The following KHDRBS2 variants were observed in gnomAD, a reference collection of about 807,000 sequenced individuals.
KHDRBS2 encodes the protein KH domain-containing, RNA-binding, signal transduction-associated protein 2.
In KHDRBS2, 26 loss-of-function variants were observed where a neutral mutation model predicts 44.3. The ratio of observed to expected loss-of-function variants is 0.59; its 90% confidence interval spans 0.43 to 0.81. KHDRBS2 has a LOEUF of 0.81. KHDRBS2 is among the 40% of genes least tolerant of loss of function. The pLI, the probability that KHDRBS2 is intolerant of heterozygous loss-of-function variation, is 0.00. For missense variants in KHDRBS2, 476 were observed against 433.1 expected, an observed-to-expected ratio of 1.10 and a Z score of -0.88; for synonymous variants, 194 against 151.1, an observed-to-expected ratio of 1.28 and a Z score of -2.08.
At chr6:62,177,018 A>T (rs1239995650) in intron 2 of KHDRBS2, among the ~76,000 whole-genome samples, 167 bp downstream of exon 2, 5 of 151,306 alleles carry the variant, frequency 3.3e-5, no homozygotes, top group Admixed American at 2.6e-4. Context: ...TACCCTCACC[A>T]TTGCACTTTC....
At chr6:61,980,394 C>G (rs1773589864) in intron 3 of KHDRBS2, among the ~76,000 whole-genome samples, 1 of 152,046 alleles carries the variant, frequency 6.6e-6, no homozygotes, top group South Asian at 2.1e-4. Flanking sequence ...ACACCATCAC[C>G]ACCACCACCA....
intron 1 of KHDRBS2, among the ~76,000 whole-genome samples, chr6:62,236,219 C>T (rs1410129899): frequency 6.6e-6 from 1 of 151,922 alleles, no homozygotes; most frequent in Non-Finnish European, 1.5e-5. Flanking sequence ...GATTTATTTT[C>T]TTTTGAAAGC....
At chr6:62,113,752 CAA>C (rs1438185530) in intron 2 of KHDRBS2, among the ~76,000 whole-genome samples, 1 of 151,966 alleles carries the variant, frequency 6.6e-6, no homozygotes, top group Admixed American at 6.6e-5. Context: ...AGAGACTTGA[CAA>C]AATATATTTA....
chr6:62,073,496 G>A (rs936764263), intron 2 of KHDRBS2, among the ~76,000 whole-genome samples: 3 of 147,962 alleles, frequency 2.0e-5, no homozygotes, highest in African/African-American at 7.4e-5. Flanking sequence ...TTTACAAAGA[G>A]CCAGATTATG....
intron 6 of KHDRBS2, among the ~76,000 whole-genome samples, chr6:61,855,428 A>G (rs1180937194): frequency 1.3e-5 from 2 of 151,812 alleles, no homozygotes; most frequent in African/African-American, 4.8e-5. Flanking sequence ...AATGGTAATG[A>G]TAATAATAGG....
In KHDRBS2 at chr6:62,228,070, T is replaced by C. The variant is rs1240822747; in HGVS notation, c.92-50758A>G. Among the ~76,000 whole-genome samples the C allele has an allele frequency of 4.6e-5, 7 of 152,294 alleles. No homozygotes were observed. The East Asian group carries it at 1.4e-3, about 29-fold the overall frequency. On this transcript the variant is annotated intron_variant, in intron 1 of 8. Coordinates refer to ENST00000281156, the MANE Select transcript of KHDRBS2 (RefSeq NM_152688.4). ...TCAGGGTGGAGTCCCTCCTTTTCTA[T>C]TGTTTGTAATAATTTCAGAAAAAAA...
At chr6:61,557,182 G>C in the KHDRBS2 span, among the ~76,000 whole-genome samples, 1 of 152,040 alleles carries the variant, frequency 6.6e-6, no homozygotes, top group East Asian at 1.9e-4. Flanking sequence ...ACAGGATTTT[G>C]TTTTAGAATA....
At chr6:61,651,063 G>A in the KHDRBS2 span, among the ~76,000 whole-genome samples, 9 of 152,004 alleles carry the variant, frequency 5.9e-5, no homozygotes, top group Non-Finnish European at 1.2e-4. Flanking sequence ...GTCTTAATGT[G>A]GAGATGGTGA....
chr6:61,730,815 A>C (rs1033819623), intron 7 of KHDRBS2, among the ~76,000 whole-genome samples: 22 of 151,874 alleles, frequency 1.4e-4, no homozygotes, highest in African/African-American at 5.3e-4. Flanking sequence ...GTATACAGCC[A>C]TTATATATAT....
chr6:61,618,099 G>C, the KHDRBS2 span, among the ~76,000 whole-genome samples: 1 of 152,104 alleles, frequency 6.6e-6, no homozygotes, highest in African/African-American at 2.4e-5. Flanking sequence ...TTTTGTTGTT[G>C]TTGTTGTTGT....
chr6:61,764,639 CT>C (rs1346217058), intron 6 of KHDRBS2, among the ~76,000 whole-genome samples: 7 of 152,006 alleles, frequency 4.6e-5, no homozygotes, highest in East Asian at 1.9e-4. Flanking sequence ...TGATATCGAG[CT>C]TTTTTTCATA....
chr6:62,020,752 C>G (rs538970670), intron 3 of KHDRBS2, among the ~76,000 whole-genome samples: 2 of 152,094 alleles, frequency 1.3e-5, no homozygotes, highest in South Asian at 4.1e-4. Context: ...AATATGGTCA[C>G]CCCAGCTTCC....
chr6:61,959,897 C>G (rs1768256309), intron 4 of KHDRBS2, among the ~76,000 whole-genome samples: 1 of 152,144 alleles, frequency 6.6e-6, no homozygotes, highest in African/African-American at 2.4e-5. Flanking sequence ...CTCCTAAATT[C>G]TAGCTAGGTA....
chr6:61,799,395 C>A (rs1021576577), intron 6 of KHDRBS2, among the ~76,000 whole-genome samples: 2 of 151,426 alleles, frequency 1.3e-5, no homozygotes, highest in Non-Finnish European at 2.9e-5. Flanking sequence ...TTCTTTTTTA[C>A]ATAGTTCATG....
the KHDRBS2 span, among the ~76,000 whole-genome samples, chr6:61,611,610 C>T: frequency 6.6e-6 from 1 of 152,168 alleles, no homozygotes; most frequent in East Asian, 1.9e-4. Flanking sequence ...TGGAATTCAT[C>T]TAGTTAGTGA....
chr6:61,596,765 C>T, the KHDRBS2 span, among the ~76,000 whole-genome samples: 1 of 152,076 alleles, frequency 6.6e-6, no homozygotes, highest in African/African-American at 2.4e-5. Context: ...GATTCTTCTG[C>T]CTCAGCCTCC....
At chr6:61,569,376 TA>T in the KHDRBS2 span, among the ~76,000 whole-genome samples, 1 of 152,086 alleles carries the variant, frequency 6.6e-6, no homozygotes, top group Non-Finnish European at 1.5e-5. Flanking sequence ...CCTGAGAAGC[TA>T]AAATACTTAC....
At chr6:61,592,773 A>T in the KHDRBS2 span, among the ~76,000 whole-genome samples, 2 of 152,080 alleles carry the variant, frequency 1.3e-5, no homozygotes, top group East Asian at 3.9e-4. Flanking sequence ...TGGCTTAGAG[A>T]TTGTGAGATA....
chr6:62,216,702 T>TC lies in KHDRBS2; in HGVS notation c.92-39391_92-39390insG, dbSNP rs767799280. 4.7e-5 allele frequency among the ~76,000 whole-genome samples: 7 copies of TC among 150,432 alleles called. 1 individual carries two copies. The highest frequency in any genetic ancestry group is 1.0e-4 in the Non-Finnish European group (7 of 67,388). On this transcript the variant is annotated intron_variant, in intron 1 of 8. Coordinates refer to ENST00000281156, the MANE Select transcript of KHDRBS2 (RefSeq NM_152688.4). ...AAACATATTTCTTTCTCCTCTTTTT[T>TC]TTTTTTTTGTTTTATTAAGCACTTA...
Sources: gnomAD v4.1 joint callset for allele counts (sites outside exome capture counted in the v4.1 genomes callset) on GRCh38, gnomAD v4.1.1 for gene constraint, MANE v1.5 for transcripts, NCBI Gene and HGNC (gene_info 2026-07-23, HGNC 2026-07-21) for gene names.